NEB: variants seen among roughly 807,000 people sequenced by gnomAD.
NEB encodes nebulin.
In NEB, 512 loss-of-function variants were observed where a neutral mutation model predicts 952.2. The observed-to-expected ratio is 0.54, with a 90% CI of 0.50 to 0.58. The LOEUF is 0.58. Ranked by LOEUF, NEB falls within the 20% of genes least tolerant of loss-of-function variation. The probability of loss-of-function intolerance (pLI) is 0.00; values close to 1 mark genes in which losing one functional copy is unlikely to be tolerated. For synonymous variants in NEB, 2,900 were observed against 3,149.8 expected (o/e 0.92, Z 2.66); for missense variants, 8,428 against 9,231.1 (o/e 0.91, Z 3.56).
chr2:151,638,469 A>G (rs557113523), intron 63 of NEB, among the ~76,000 whole-genome samples: 44 of 152,336 alleles, frequency 2.9e-4, no homozygotes, highest in African/African-American at 9.6e-4. Context: ...GCTGCTCTCC[A>G]TCTCTGGGGG....
chr2:151,614,638 T>C (rs2098131236), intron 76 of NEB, 51 bp from the exon 77 acceptor site: 4 of 1,530,810 alleles, frequency 2.6e-6, no homozygotes, highest in African/African-American at 1.4e-5. Context: ...TATATAATCA[T>C]GTTTCATAGG....
intron 65 of NEB, 118 bp from the exon 66 acceptor site, chr2:151,631,464 G>T: frequency 9.1e-7 from 1 of 1,095,272 alleles, no homozygotes; most frequent in Non-Finnish European, 1.3e-6. Flanking sequence ...AAACAAGCGC[G>T]TTGTATAAGG....
chr2:151,505,006 G>T (rs749132969), intron 165 of NEB, among the ~76,000 whole-genome samples: 1 of 151,778 alleles, frequency 6.6e-6, no homozygotes, highest in Non-Finnish European at 1.5e-5. Context: ...GTCTACCCAG[G>T]GTCTTTTTGG....
intron 9 of NEB, among the ~76,000 whole-genome samples, chr2:151,721,078 T>C (rs2099772908): frequency 6.6e-6 from 1 of 152,196 alleles, no homozygotes; most frequent in Non-Finnish European, 1.5e-5. Context: ...TTCTCTCCTT[T>C]GGCTCCAATA....
In NEB at chr2:151,643,300, A is replaced by G. The variant is rs1157009511; in HGVS notation, c.8010T>C (p.Ser2670=). The change falls in exon 58 of 182, where the codon AGT becomes AGC. Residue 2670 remains serine, a synonymous_variant. Transcript: ENST00000397345. ...QWLKGIGWMT[S]GSLEDEKNKR... ...TATTTTTCTCATCCTCGAGAGAACCACTAGTCATCCAGCCAATGCCTTTTA... is the reference window on the plus strand; with the variant it reads ...TATTTTTCTCATCCTCGAGAGAACCGCTAGTCATCCAGCCAATGCCTTTTA... The G allele has an allele frequency of 1.9e-6, 3 of 1,613,942 alleles. No individual in the cohort carries two copies. The highest frequency in any genetic ancestry group is 2.5e-6 in the Non-Finnish European group (3 of 1,179,852).
chr2:151,616,133 C>T (rs2154001986), intron 75 of NEB, 24 bp from the exon 76 acceptor site: 1 of 1,465,576 alleles, frequency 6.8e-7, no homozygotes, highest in Non-Finnish European at 9.5e-7. Flanking sequence ...AGTCATTACT[C>T]ATTTACTCCT....
intron 69 of NEB, 107 bp from the exon 70 acceptor site, chr2:151,627,312 C>T (rs919976314): frequency 2.4e-5 from 34 of 1,410,360 alleles, no homozygotes; most frequent in Middle Eastern, 1.8e-4. Flanking sequence ...TTCATGTATA[C>T]GTTCTTCAAT....
chr2:151,550,126 G>C (rs898000010), intron 129 of NEB, among the ~76,000 whole-genome samples: 1 of 151,910 alleles, frequency 6.6e-6, no homozygotes, highest in Non-Finnish European at 1.5e-5. Context: ...AATTAGCCAG[G>C]CATGGTGGCG....
chr2:151,646,701 G>A (rs951754663), intron 54 of NEB, among the ~76,000 whole-genome samples: 1 of 152,172 alleles, frequency 6.6e-6, no homozygotes, highest in Non-Finnish European at 1.5e-5. Context: ...CCAGGCTGGA[G>A]TGCAATGGCG....
At chr2:151,534,990 T>C (rs1445988816) in intron 142 of NEB, among the ~76,000 whole-genome samples, 2 of 152,230 alleles carry the variant, frequency 1.3e-5, no homozygotes, top group Non-Finnish European at 2.9e-5. Flanking sequence ...CACGGAATTT[T>C]TGAACTTACA....
In NEB at chr2:151,666,056, A is replaced by G. The variant is rs751783628; in HGVS notation, c.5031+34T>C. 5.7e-6 allele frequency: 9 copies of G among 1,569,808 alleles called. No homozygotes were observed. In the South Asian group the frequency reaches 1.1e-4, roughly 18 times the overall value. Reference sequence around the variant, plus strand: ...CTCCTGTTTTTTCCTCCCACCCATTAGAAATGGATAACAACTTGGTAACCA... The same window carrying G: ...CTCCTGTTTTTTCCTCCCACCCATTGGAAATGGATAACAACTTGGTAACCA... On this transcript the variant is annotated intron_variant, in intron 41 of 181. Transcript: ENST00000397345.
At position 151,493,878 on chromosome 2, in the gene NEB, CAA is replaced by C. The variant is rs767428875; in HGVS notation, c.24580-13_24580-12del. ...CTCTTTGTATAACACCTGTGAGATA[CAA>C]AGTCATGCCCGAAAGTCACTACGAG... On this transcript the variant is annotated splice_polypyrimidine_tract_variant and intron_variant, in intron 174 of 181. Transcript: ENST00000397345. 1 of 1,499,294 alleles carries C rather than the reference CAA, an allele frequency of 6.7e-7. No individual in the cohort carries two copies. Among genetic ancestry groups the C allele is most frequent in the Non-Finnish European group, 9.0e-7 (1 of 1,110,266 alleles). The allele number at this position is 1,499,294 out of a possible 1,614,324, so 92.9% of individuals were successfully genotyped here.
chr2:151,650,031 T>G (rs531447914), intron 54 of NEB, 145 bp downstream of exon 54: 2 of 777,018 alleles, frequency 2.6e-6, no homozygotes, highest in Admixed American at 5.1e-5. Flanking sequence ...AGTTGCTAAT[T>G]CAAATAAAAT....
At chr2:151,621,236 C>G (rs1426177400) in intron 71 of NEB, among the ~76,000 whole-genome samples, 2 of 152,136 alleles carry the variant, frequency 1.3e-5, no homozygotes, top group Admixed American at 1.3e-4. Context: ...AACATCACAA[C>G]CTCTCTTTGC....
At position 151,713,343 on chromosome 2, in the gene NEB, T is replaced by G. The variant is rs150399444; in HGVS notation, c.823-2805A>C. 1.8e-3 allele frequency among the ~76,000 whole-genome samples: 271 copies of G among 152,254 alleles called. 2 individuals are homozygous for G. Among genetic ancestry groups the G allele is most frequent in the African/African-American group, 6.0e-3 (251 of 41,552 alleles). ...AGAAAAGTTATCCCTGCAGAAAAGG[T>G]ATAAAGAACCCAGCTGGTATTTTTA... On this transcript the variant is annotated intron_variant, in intron 10 of 181. Transcript: ENST00000397345.
At chr2:151,663,482 G>T (rs1318086272) in intron 45 of NEB, 66 bp downstream of exon 45, 8 of 1,446,010 alleles carry the variant, frequency 5.5e-6, no homozygotes, top group African/African-American at 1.4e-5. Context: ...AAACGTCATT[G>T]CTTATGGTCA....
chr2:151,510,833 T>A (rs1488161712), intron 161 of NEB, among the ~76,000 whole-genome samples: 1 of 152,190 alleles, frequency 6.6e-6, no homozygotes, highest in Non-Finnish European at 1.5e-5. Context: ...CTGTATAGTA[T>A]CCTAAATTTG....
Position 151,723,490 on chromosome 2 carries a change from A to T in NEB, c.613-4T>A. ...CCCAGTCTTCAGTGTACAGTTTCTA[A>T]ATCAAAAAAGAGTGAAAAGTTAGGA... On this transcript the variant is annotated splice_region_variant and splice_polypyrimidine_tract_variant and intron_variant, in intron 8 of 181. Coordinates refer to ENST00000397345, the MANE Select transcript of NEB (RefSeq NM_001164508.2). 6.3e-7 allele frequency: 1 copy of T among 1,594,576 alleles called. No individual in the cohort carries two copies. Among genetic ancestry groups the T allele is most frequent in the Non-Finnish European group, 8.6e-7 (1 of 1,168,240 alleles).
At chr2:151,647,692 C>T (rs999137870) in intron 54 of NEB, among the ~76,000 whole-genome samples, 1 of 152,122 alleles carries the variant, frequency 6.6e-6, no homozygotes, top group African/African-American at 2.4e-5. Context: ...GAGGGAGATT[C>T]TACAAAATAA....
Sources: allele counts gnomAD v4.1 joint callset (sites outside exome capture counted in the v4.1 genomes callset), GRCh38; gene constraint gnomAD v4.1.1; transcripts MANE v1.5; gene names NCBI Gene and HGNC (gene_info 2026-07-23, HGNC 2026-07-21).